The following SVIL variants were observed in gnomAD, a reference collection of about 807,000 sequenced individuals.
SVIL encodes supervillin.
SVIL carries 101 observed loss-of-function variants against 240.4 expected under a neutral mutation model. That is an observed-to-expected ratio of 0.42 (90% CI 0.36 to 0.50). The LOEUF (loss-of-function observed/expected upper bound fraction) is 0.50. SVIL is among the 20% of genes least tolerant of loss of function. The pLI is 0.01. For synonymous variants in SVIL, 999 were observed against 1,100.0 expected (o/e 0.91, Z 1.82); for missense variants, 2,512 against 2,818.7 (o/e 0.89, Z 2.46).
rs200555853 is a variant in SVIL at position 29,458,486 on chromosome 10, T to G, written c.6506A>C (p.Glu2169Ala). ...CTCAAGCTTCAGAGGATCGACCCCC[T>G]CCGGGAGTGGCCTGGCCAGGAGGTC... ...LADLLARPLP[E>A]GVDPLKLEIY... The change falls in exon 37 of 38, where the codon GAG (glutamate) becomes GCG (alanine). Residue 2169 changes from glutamate to alanine, a missense_variant. Glu to Ala is a moderately radical substitution (Grantham distance 107). Transcript: ENST00000355867. The G allele has an allele frequency of 1.5e-5, 24 of 1,586,488 alleles. No individual in the cohort carries two copies. In the East Asian group the frequency reaches 5.4e-4, roughly 36 times the overall value.
chr10:29,660,300 C>T (rs1181569057), intron 2 of SVIL, among the ~76,000 whole-genome samples: 1 of 152,042 alleles, frequency 6.6e-6, no homozygotes. Context: ...CAAAGCAACA[C>T]CTTGCTTGAC....
At chr10:29,465,059 G>T (rs904650818) in intron 34 of SVIL, among the ~76,000 whole-genome samples, 1 of 152,168 alleles carries the variant, frequency 6.6e-6, no homozygotes, top group Non-Finnish European at 1.5e-5. Flanking sequence ...GCTTCCCCAG[G>T]CTCCCTTGCA....
chr10:29,685,817 C>T (rs1961025543), intron 2 of SVIL, among the ~76,000 whole-genome samples: 1 of 152,108 alleles, frequency 6.6e-6, no homozygotes, highest in Non-Finnish European at 1.5e-5. Context: ...ATGATCTGAA[C>T]TAATTTTTCA....
chr10:29,577,377 C>CTTACGCCT (rs1393012034), intron 1 of SVIL, among the ~76,000 whole-genome samples: 1 of 152,178 alleles, frequency 6.6e-6, no homozygotes, highest in Non-Finnish European at 1.5e-5. Flanking sequence ...TTATACAACT[C>CTTACGCCT]TTACGCCTTT....
rs1183749958 is a variant in SVIL at position 29,532,838 on chromosome 10, G to A, written c.1529C>T (p.Thr510Ile). The A allele has an allele frequency of 2.5e-6, 4 of 1,614,208 alleles. No homozygotes were observed. Among genetic ancestry groups the A allele is most frequent in the Non-Finnish European group, 3.4e-6 (4 of 1,180,042 alleles). ...GTAGAGAACCATCTCGCTCCTGCCT[G>A]TCCTCTCAGTGGGCTGGTGCGGAGC... is the stretch of plus-strand genomic sequence containing the variant. ...PQAPHQPTER[T>I]GRSEMVLYIQ... is the part of the protein sequence containing the mutation. Residue 510 changes from threonine to isoleucine, a missense_variant, in exon 8 of 38, where the codon ACA becomes ATA. Around this residue, in one of 3 missense-constraint regions of SVIL, gnomAD observed 1,443 missense variants for 1,486.6 expected, o/e 0.97. Coordinates refer to ENST00000355867, the MANE Select transcript of SVIL (RefSeq NM_021738.3).
chr10:29,599,864 T>C (rs1956747171), intron 1 of SVIL, among the ~76,000 whole-genome samples: 1 of 151,972 alleles, frequency 6.6e-6, no homozygotes, highest in Non-Finnish European at 1.5e-5. Flanking sequence ...GCCTATTAAG[T>C]AGAACGTTAT....
intron 13 of SVIL, among the ~76,000 whole-genome samples, chr10:29,526,442 T>A (rs957740685): frequency 6.6e-6 from 1 of 151,850 alleles, no homozygotes; most frequent in Non-Finnish European, 1.5e-5. Flanking sequence ...GTAGCTAGGA[T>A]TACTGGCACA....
intron 1 of SVIL, among the ~76,000 whole-genome samples, chr10:29,693,697 A>C (rs1961697740): frequency 6.6e-6 from 1 of 152,110 alleles, no homozygotes; most frequent in South Asian, 2.1e-4. Flanking sequence ...TCCCGAAAAA[A>C]CGTCTTTCAA....
intron 22 of SVIL, among the ~76,000 whole-genome samples, chr10:29,490,274 T>C (rs546197788): frequency 6.6e-6 from 1 of 152,292 alleles, no homozygotes; most frequent in African/African-American, 2.4e-5. Flanking sequence ...GATACTCCAG[T>C]GATTTGAAGT....
chr10:29,586,659 G>T (rs1170386163), intron 1 of SVIL, among the ~76,000 whole-genome samples: 1 of 152,050 alleles, frequency 6.6e-6, no homozygotes, highest in African/African-American at 2.4e-5. Flanking sequence ...AAAACATCTT[G>T]CATTAAAAGG....
intron 6 of SVIL, among the ~76,000 whole-genome samples, chr10:29,546,526 A>G (rs1952703388): frequency 6.6e-6 from 1 of 152,022 alleles, no homozygotes; most frequent in Admixed American, 6.6e-5. Context: ...AAATAAATGT[A>G]TTATTCAGGT....
At chr10:29,597,179 A>G (rs544245640) in intron 1 of SVIL, among the ~76,000 whole-genome samples, 1 of 152,278 alleles carries the variant, frequency 6.6e-6, no homozygotes, top group South Asian at 2.1e-4. Context: ...GCGTTAAGAG[A>G]CAAAATGGCG....
At chr10:29,579,776 C>T (rs1343824475) in intron 1 of SVIL, among the ~76,000 whole-genome samples, 3 of 152,098 alleles carry the variant, frequency 2.0e-5, no homozygotes, top group African/African-American at 4.8e-5. Flanking sequence ...GGGGAGAAAA[C>T]GAGGGCAAAG....
intron 5 of SVIL, among the ~76,000 whole-genome samples, chr10:29,554,187 C>T (rs748654941): frequency 3.2e-4 from 48 of 151,974 alleles, no homozygotes; most frequent in Admixed American, 7.2e-4. Flanking sequence ...GGCACGCGCT[C>T]ATAGTCCCAG....
chr10:29,707,759 G>T (rs1325491741), intron 1 of SVIL, among the ~76,000 whole-genome samples: 2 of 152,134 alleles, frequency 1.3e-5, no homozygotes, highest in Non-Finnish European at 2.9e-5. Flanking sequence ...AAAACAGTGA[G>T]TATATGCCAG....
At position 29,531,268 on chromosome 10, in the gene SVIL, G is replaced by C; in HGVS notation, c.2030C>G (p.Thr677Arg). ...CAGGTACTTGCCATCGACAGTTGGC[G>C]TTTCTGAATGTGAAGTGCACCTAGG... ...ESDRCTSHSE[T>R]PTVDDEEKVD... The change falls in exon 10 of 38, where the codon ACG (threonine) becomes AGG (arginine). Residue 677 changes from threonine to arginine, a missense_variant. By Grantham distance (71) the Thr-to-Arg change is moderately conservative. This residue lies in a region of SVIL where 1,443 missense variants were observed against 1,486.6 expected (regional missense o/e 0.97). Transcript: ENST00000355867. 6.2e-7 allele frequency: 1 copy of C among 1,613,936 alleles called. No individual in the cohort carries two copies. Among genetic ancestry groups the C allele is most frequent in the Non-Finnish European group, 8.5e-7 (1 of 1,179,950 alleles).
intron 17 of SVIL, among the ~76,000 whole-genome samples, chr10:29,507,179 G>A (rs80337976): frequency 1.6e-3 from 249 of 152,110 alleles, no homozygotes; most frequent in African/African-American, 5.9e-3. Context: ...CACTGGAGGG[G>A]CCTCCCCTCG....
At chr10:29,643,937 A>G (rs1450090306) in intron 3 of SVIL, 1 of 514,722 alleles carries the variant, frequency 1.9e-6, no homozygotes, top group East Asian at 5.5e-5. Context: ...ACCGTGGTTT[A>G]TGAGTCCTGG....
At chr10:29,653,011 T>G (rs1461720201) in intron 3 of SVIL, among the ~76,000 whole-genome samples, 2 of 151,982 alleles carry the variant, frequency 1.3e-5, no homozygotes, top group Non-Finnish European at 2.9e-5. Context: ...TTTTTTTTTT[T>G]TTTCTGAGTC....
Sources: gnomAD v4.1 joint callset for allele counts (sites outside exome capture counted in the v4.1 genomes callset) on GRCh38, gnomAD v4.1.1 for gene constraint, gnomAD v4.1.1 regional missense constraint, MANE v1.5 for transcripts, NCBI Gene and HGNC (gene_info 2026-07-23, HGNC 2026-07-21) for gene names.